RFC3: variants seen among roughly 807,000 people sequenced by gnomAD.
RFC3 encodes the protein replication factor C subunit 3.
Under a neutral mutation model 45.1 loss-of-function variants are expected in RFC3, and 41 were observed. The observed-to-expected ratio is 0.91, with a 90% CI of 0.71 to 1.18. The LOEUF (loss-of-function observed/expected upper bound fraction) is 1.18, where lower values mean the gene tolerates loss of function less well. Among genes scored for constraint, RFC3 ranks in the 50% most tolerant of loss-of-function variants. The probability of loss-of-function intolerance (pLI) is 0.00; values close to 1 mark genes in which losing one functional copy is unlikely to be tolerated. For synonymous variants in RFC3, 149 were observed against 144.0 expected (o/e 1.03, Z -0.25); for missense variants, 423 against 428.1 (o/e 0.99, Z 0.10).
chr13:33,824,975 A>G (rs2082035678), intron 3 of RFC3, among the ~76,000 whole-genome samples: 1 of 152,126 alleles, frequency 6.6e-6, no homozygotes, highest in East Asian at 1.9e-4. Context: ...AGGTATATTG[A>G]TCTATAATAA....
chr13:33,964,746 T>C (rs780604656), intron 8 of RFC3, among the ~76,000 whole-genome samples: 5 of 152,194 alleles, frequency 3.3e-5, no homozygotes, highest in Non-Finnish European at 5.9e-5. Context: ...CCCAAAAATA[T>C]AGGTCTATGT....
intron 8 of RFC3, among the ~76,000 whole-genome samples, chr13:33,864,862 A>G (rs185663334): frequency 1.2e-4 from 19 of 152,270 alleles, no homozygotes; most frequent in Admixed American, 5.9e-4. Context: ...AACCTGAGCT[A>G]TGGTGAGTTA....
chr13:33,858,660 C>A (rs1478286265), intron 8 of RFC3, among the ~76,000 whole-genome samples: 5 of 152,174 alleles, frequency 3.3e-5, no homozygotes, highest in Admixed American at 3.3e-4. Flanking sequence ...CACGGTCATA[C>A]CTACGGTTGG....
intron 8 of RFC3, among the ~76,000 whole-genome samples, chr13:33,892,230 C>T (rs1221496059): frequency 6.6e-6 from 1 of 152,122 alleles, no homozygotes; most frequent in South Asian, 2.1e-4. Context: ...AGCAGGTAAG[C>T]TAAGCTTAAC....
intron 8 of RFC3, among the ~76,000 whole-genome samples, chr13:33,952,867 A>C (rs1175004090): frequency 6.6e-6 from 1 of 152,134 alleles, no homozygotes; most frequent in Non-Finnish European, 1.5e-5. Context: ...TTCCTATCAG[A>C]ATATCTTTGT....
chr13:33,946,427 C>T (rs903436166), intron 8 of RFC3, among the ~76,000 whole-genome samples: 1 of 151,946 alleles, frequency 6.6e-6, no homozygotes, highest in South Asian at 2.1e-4. Context: ...TTGAGGACTC[C>T]CAAGAGCTTT....
chr13:33,942,373 A>G (rs781489775), intron 8 of RFC3, among the ~76,000 whole-genome samples: 5 of 152,160 alleles, frequency 3.3e-5, no homozygotes, highest in African/African-American at 4.8e-5. Context: ...TACGGGGTAC[A>G]TGCGATGCTT....
intron 2 of RFC3, among the ~76,000 whole-genome samples, chr13:33,821,928 A>G (rs984586718): frequency 1.3e-5 from 2 of 152,228 alleles, no homozygotes; most frequent in African/African-American, 4.8e-5. Context: ...TAGTTTATAC[A>G]TCTTTTACTT....
intron 7 of RFC3, 101 bp downstream of exon 7, chr13:33,831,455 T>C: frequency 1.5e-6 from 1 of 666,268 alleles, no homozygotes; most frequent in African/African-American, 1.8e-5. Context: ...TATAATTAAA[T>C]CCTGAATCTA....
chr13:33,918,000 G>A (rs1234969669), intron 8 of RFC3, among the ~76,000 whole-genome samples: 1 of 152,070 alleles, frequency 6.6e-6, no homozygotes, highest in Non-Finnish European at 1.5e-5. Flanking sequence ...TGTTAAGTAT[G>A]TAACATATGC....
chr13:33,949,989 C>T (rs953475854), intron 8 of RFC3, among the ~76,000 whole-genome samples: 2 of 152,110 alleles, frequency 1.3e-5, no homozygotes, highest in Admixed American at 1.3e-4. Flanking sequence ...TCCTGGGTCT[C>T]CAGCTTCTGA....
intron 8 of RFC3, among the ~76,000 whole-genome samples, chr13:33,886,471 G>C (rs920450135): frequency 6.6e-6 from 1 of 151,498 alleles, no homozygotes; most frequent in Non-Finnish European, 1.5e-5. Flanking sequence ...GCTTGAACCT[G>C]GGAGGCGGAG....
At chr13:33,855,237 A>T (rs1273950068) in intron 8 of RFC3, among the ~76,000 whole-genome samples, 1 of 152,110 alleles carries the variant, frequency 6.6e-6, no homozygotes, top group Non-Finnish European at 1.5e-5. Flanking sequence ...AACTTTTAAC[A>T]TTTTTTCTAA....
intron 8 of RFC3, among the ~76,000 whole-genome samples, chr13:33,873,971 T>G (rs1358836609): frequency 6.6e-6 from 1 of 152,210 alleles, no homozygotes; most frequent in African/African-American, 2.4e-5. Flanking sequence ...CCATCAAAAT[T>G]TAATGCTTTT....
At chr13:33,850,151 T>C (rs2082267115) in intron 8 of RFC3, 3 of 152,202 alleles carry the variant, frequency 2.0e-5, no homozygotes, top group African/African-American at 7.2e-5. Flanking sequence ...GTGGAGTGGC[T>C]ATCTTTTTTA....
chr13:33,872,792 A>ACCCCC (rs11382058), intron 8 of RFC3, among the ~76,000 whole-genome samples: 11 of 97,516 alleles, frequency 1.1e-4, no homozygotes, highest in African/African-American at 4.5e-4. Flanking sequence ...AAGAAACCAA[A>ACCCCC]CCCCCCCCCC....
intron 8 of RFC3, among the ~76,000 whole-genome samples, chr13:33,873,576 G>T (rs1447633690): frequency 3.3e-5 from 5 of 152,120 alleles, no homozygotes. Context: ...ACAGAGAGAG[G>T]ATATGTTTAA....
intron 8 of RFC3, among the ~76,000 whole-genome samples, chr13:33,866,456 T>C (rs2082374317): frequency 6.6e-6 from 1 of 152,220 alleles, no homozygotes; most frequent in Non-Finnish European, 1.5e-5. Context: ...GATTGGAAGC[T>C]CACTATAGCT....
intron 8 of RFC3, among the ~76,000 whole-genome samples, chr13:33,870,596 G>A (rs1051485072): frequency 1.3e-5 from 2 of 152,176 alleles, no homozygotes; most frequent in Non-Finnish European, 2.9e-5. Flanking sequence ...GAAGGCTGCT[G>A]CAGGACTTTT....
Sources: gnomAD v4.1 joint callset for allele counts (sites outside exome capture counted in the v4.1 genomes callset) on GRCh38, gnomAD v4.1.1 for gene constraint, MANE v1.5 for transcripts, NCBI Gene and HGNC (gene_info 2026-07-23, HGNC 2026-07-21) for gene names.